Variants in MACROD2 observed in about 807,000 individuals in gnomAD.
MACROD2 encodes the protein mono-ADP ribosylhydrolase 2.
A neutral mutation model predicts 70.4 loss-of-function variants in MACROD2; 36 were observed. The ratio of observed to expected loss-of-function variants is 0.51; its 90% confidence interval spans 0.39 to 0.68. MACROD2 has a LOEUF of 0.68. Among genes scored for constraint, MACROD2 ranks in the 30% least tolerant of loss-of-function variants. MACROD2 has a pLI of 0.00. For synonymous variants in MACROD2, 172 were observed against 178.8 expected (o/e 0.96, Z 0.30); for missense variants, 496 against 538.4 (o/e 0.92, Z 0.78).
At position 14,757,726 on chromosome 20, in the gene MACROD2, C is replaced by T; in HGVS notation, c.418+72767C>T. On this transcript the variant is annotated intron_variant, in intron 5 of 17. Transcript: ENST00000684519. ...CCATGCAGTCTCTCAAGTCCCGAGG[C>T]TACGTGAAGGCACAGTTTGCCTGGA... is the stretch of plus-strand genomic sequence containing the variant. 5 of 1,523,844 alleles carry T rather than the reference C, an allele frequency of 3.3e-6. No individual in the cohort carries two copies. In the East Asian group the frequency reaches 9.0e-5, roughly 27 times the overall value. The allele number at this position is 1,523,844 out of a possible 1,614,324, so 94.4% of individuals were successfully genotyped here.
intron 2 of MACROD2, among the ~76,000 whole-genome samples, chr20:14,075,857 T>C (rs1391504110): frequency 6.6e-6 from 1 of 152,194 alleles, no homozygotes; most frequent in East Asian, 1.9e-4. Context: ...CACTGAATAT[T>C]TTATCCAGTC....
intron 3 of MACROD2, among the ~76,000 whole-genome samples, chr20:14,269,613 T>C (rs766752862): frequency 3.0e-4 from 46 of 152,078 alleles, no homozygotes; most frequent in Non-Finnish European, 6.2e-4. Flanking sequence ...TTCAGGAAAA[T>C]AAGGTGAAAA....
chr20:16,044,005 G>A (rs534291943), intron 16 of MACROD2, among the ~76,000 whole-genome samples: 12 of 152,154 alleles, frequency 7.9e-5, no homozygotes, highest in Admixed American at 6.6e-4. Context: ...AATGGGTTAG[G>A]CCTTTTTTGT....
chr20:15,962,217 A>C (rs1333205147), intron 12 of MACROD2, among the ~76,000 whole-genome samples: 1 of 152,314 alleles, frequency 6.6e-6, no homozygotes, highest in Non-Finnish European at 1.5e-5. Flanking sequence ...GGTCCAACTC[A>C]GGTAGGCGGA....
chr20:14,218,124 C>T (rs956286769), intron 3 of MACROD2, among the ~76,000 whole-genome samples: 1 of 151,966 alleles, frequency 6.6e-6, no homozygotes, highest in Admixed American at 6.6e-5. Context: ...TATTGAAGTC[C>T]CCCAATATTA....
chr20:15,843,929 G>T (rs1176594778), intron 8 of MACROD2, among the ~76,000 whole-genome samples: 1 of 151,960 alleles, frequency 6.6e-6, no homozygotes, highest in Non-Finnish European at 1.5e-5. Flanking sequence ...TTAAAGTCAG[G>T]AATATGAAGC....
At chr20:14,418,641 C>T (rs2083837771) in intron 3 of MACROD2, among the ~76,000 whole-genome samples, 1 of 152,160 alleles carries the variant, frequency 6.6e-6, no homozygotes, top group African/African-American at 2.4e-5. Flanking sequence ...AGTTGGCAAA[C>T]TTTATATTCT....
rs142862190 is a variant in MACROD2 at position 15,643,381 on chromosome 20, G to T, written c.645+143534G>T. Among the ~76,000 whole-genome samples the T allele has an allele frequency of 3.3e-3, 495 of 152,306 alleles. 4 individuals carry two copies. The highest frequency in any genetic ancestry group is 0.011 in the African/African-American group (471 of 41,568). On this transcript the variant is annotated intron_variant, in intron 8 of 17. Transcript: ENST00000684519. ...CATTTCTTATCATTCTGATGTCATT[G>T]AAATGTCATTTCCTTAAAGAGACTT...
intron 3 of MACROD2, among the ~76,000 whole-genome samples, chr20:14,383,320 C>CT (rs58922130): frequency 2.9e-5 from 4 of 139,246 alleles, no homozygotes; most frequent in South Asian, 2.4e-4. Flanking sequence ...TTTTTTTTTG[C>CT]TTTTTTTTTG....
At chr20:15,916,792 G>T (rs1293805359) in intron 10 of MACROD2, among the ~76,000 whole-genome samples, 1 of 152,200 alleles carries the variant, frequency 6.6e-6, no homozygotes, top group Non-Finnish European at 1.5e-5. Context: ...TCTTAACAGA[G>T]GATCAAGCCA....
rs115484250 is a variant in MACROD2 at position 15,504,044 on chromosome 20, C to G, written c.645+4197C>G. ...TCACCATTAACTTACTCTCTGATTTCTAAACCATCAGGAATGTGCACTTTT... is the reference window on the plus strand; with the variant it reads ...TCACCATTAACTTACTCTCTGATTTGTAAACCATCAGGAATGTGCACTTTT... On this transcript the variant is annotated intron_variant, in intron 8 of 17. Coordinates refer to ENST00000684519, the MANE Select transcript of MACROD2 (RefSeq NM_001351661.2). Among the ~76,000 whole-genome samples, 513 of 152,242 alleles carry G rather than the reference C, an allele frequency of 3.4e-3. 2 individuals carry two copies. The highest frequency in any genetic ancestry group is 0.012 in the African/African-American group (480 of 41,536).
chr20:15,907,074 G>A (rs113058008), intron 10 of MACROD2, among the ~76,000 whole-genome samples: 95 of 152,194 alleles, frequency 6.2e-4, no homozygotes, highest in African/African-American at 2.2e-3. Context: ...TTATATCCTC[G>A]TGGACTCATC....
At position 14,479,136 on chromosome 20, in the gene MACROD2, T is replaced by C. The variant is rs1265499465; in HGVS notation, c.272-14343T>C. 1.3e-5 allele frequency among the ~76,000 whole-genome samples: 2 copies of C among 152,098 alleles called. 1 individual carries two copies. Among genetic ancestry groups the C allele is most frequent in the African/African-American group, 4.8e-5 (2 of 41,428 alleles). On this transcript the variant is annotated intron_variant, in intron 3 of 17. Coordinates refer to ENST00000684519, the MANE Select transcript of MACROD2 (RefSeq NM_001351661.2). ...AATGACTTCTGAGGCCAGAAGCTTG[T>C]TGAGACAGGATGCCTCCTGTCTGTG... is the stretch of plus-strand genomic sequence containing the variant.
intron 5 of MACROD2, among the ~76,000 whole-genome samples, chr20:15,225,511 C>G (rs1157469617): frequency 6.6e-6 from 1 of 152,208 alleles, no homozygotes; most frequent in East Asian, 1.9e-4. Context: ...GGTAACCACT[C>G]TTATTAACTG....
intron 8 of MACROD2, among the ~76,000 whole-genome samples, chr20:15,666,585 G>A (rs1057005152): frequency 2.6e-5 from 4 of 152,106 alleles, no homozygotes; most frequent in African/African-American, 7.2e-5. Context: ...ATTTTTTAAT[G>A]TATCAAAAGT....
At chr20:15,763,461 C>G (rs1568547105) in intron 8 of MACROD2, among the ~76,000 whole-genome samples, 1 of 152,202 alleles carries the variant, frequency 6.6e-6, no homozygotes. Context: ...CACACACACA[C>G]ATACACACAA....
intron 1 of MACROD2, among the ~76,000 whole-genome samples, chr20:13,998,766 G>GA (rs2052694919): frequency 6.6e-6 from 1 of 151,770 alleles, no homozygotes; most frequent in Non-Finnish European, 1.5e-5. Context: ...CCATCCTGGG[G>GA]AACACGGTGA....
In MACROD2 at chr20:15,223,514, A is replaced by G. The variant is rs540411255; in HGVS notation, c.419-6426A>G. ...ATTTCTATCTAGGGGCTACAATTAC[A>G]TTCATTATTCCCAAATTAGATTGTG... is the stretch of plus-strand genomic sequence containing the variant. On this transcript the variant is annotated intron_variant, in intron 5 of 17. Coordinates refer to ENST00000684519, the MANE Select transcript of MACROD2 (RefSeq NM_001351661.2). Among the ~76,000 whole-genome samples, 3 of 152,306 alleles carry G rather than the reference A, an allele frequency of 2.0e-5. No homozygotes were observed. The East Asian group carries it at 5.8e-4, about 29-fold the overall frequency.
chr20:14,956,418 A>G (rs151310336), intron 5 of MACROD2, among the ~76,000 whole-genome samples: 1,963 of 152,314 alleles, frequency 0.013, 17 homozygotes, highest in South Asian at 0.033. Context: ...AGGTGAGACC[A>G]TATTATAAGT....
Sources: allele counts gnomAD v4.1 joint callset (sites outside exome capture counted in the v4.1 genomes callset), GRCh38; gene constraint gnomAD v4.1.1; transcripts MANE v1.5; gene names NCBI Gene and HGNC (gene_info 2026-07-23, HGNC 2026-07-21).